The following AUTS2 variants were observed in gnomAD, a reference collection of about 807,000 sequenced individuals.
AUTS2 encodes the protein activator of transcription and developmental regulator AUTS2, also known as autism susceptibility gene 2 protein.
Under a neutral mutation model 112.4 loss-of-function variants are expected in AUTS2, and 17 were observed. The ratio of observed to expected loss-of-function variants is 0.15; its 90% CI spans 0.10 to 0.23. The LOEUF (loss-of-function observed/expected upper bound fraction) is 0.23, where lower values mean the gene tolerates loss of function less well. Ranked by LOEUF, AUTS2 falls within the 10% of genes least tolerant of loss-of-function variation. The probability of loss-of-function intolerance (pLI) is 1.00; values close to 1 mark genes in which losing one functional copy is unlikely to be tolerated. For synonymous variants in AUTS2, 751 were observed against 702.7 expected, an observed-to-expected ratio of 1.07 and a Z score of -1.09; for missense variants, 1,510 against 1,701.6, an observed-to-expected ratio of 0.89 and a Z score of 1.98.
In AUTS2 at chr7:70,631,221, T is replaced by A. The variant is rs1314709331; in HGVS notation, c.691-67348T>A. ...CAGGATGACGAAGGGGCCAAGAGGGTCCTCAGAGACAAACTGTGTTCAGTG... is the reference window on the plus strand; with the variant it reads ...CAGGATGACGAAGGGGCCAAGAGGGACCTCAGAGACAAACTGTGTTCAGTG... On this transcript the variant is annotated intron_variant, in intron 5 of 18. Coordinates refer to ENST00000342771, the MANE Select transcript of AUTS2 (RefSeq NM_015570.4). The surrounding 1 kb of genome is among the most constrained non-coding windows in gnomAD (Gnocchi z 4.5). Among the ~76,000 whole-genome samples, 1 of 151,938 alleles carries A rather than the reference T, an allele frequency of 6.6e-6. No homozygotes were observed. Among genetic ancestry groups the A allele is most frequent in the Non-Finnish European group, 1.5e-5 (1 of 67,984 alleles).
intron 5 of AUTS2, among the ~76,000 whole-genome samples, chr7:70,608,044 CCTAT>C (rs1476956420): frequency 6.6e-6 from 1 of 152,130 alleles, no homozygotes; most frequent in African/African-American, 2.4e-5. Context: ...TACCAGGATG[CCTAT>C]CTGACTGGAC....
intron 2 of AUTS2, among the ~76,000 whole-genome samples, chr7:70,011,604 A>G (rs1799810234): frequency 1.3e-5 from 2 of 152,206 alleles, no homozygotes; most frequent in Admixed American, 6.5e-5. Context: ...CCTGAGCCCC[A>G]TGGAAACCTT....
chr7:70,412,561 G>A (rs527449551), intron 4 of AUTS2, among the ~76,000 whole-genome samples: 1 of 152,226 alleles, frequency 6.6e-6, no homozygotes. Flanking sequence ...TATAAAGTGA[G>A]AGCCTCTGAC....
chr7:69,689,086 G>T (rs1298679705), intron 1 of AUTS2, among the ~76,000 whole-genome samples: 2 of 152,056 alleles, frequency 1.3e-5, no homozygotes, highest in Non-Finnish European at 2.9e-5. Flanking sequence ...TAATGAAAAG[G>T]GCATTGTGGA....
chr7:70,632,360 G>A (rs1805307096), intron 5 of AUTS2, among the ~76,000 whole-genome samples: 1 of 152,122 alleles, frequency 6.6e-6, no homozygotes, highest in Admixed American at 6.5e-5. Context: ...TTTCACAAAG[G>A]AGAAGTGAGG....
intron 4 of AUTS2, among the ~76,000 whole-genome samples, chr7:70,163,436 T>C (rs1317030206): frequency 1.3e-5 from 2 of 149,884 alleles, no homozygotes; most frequent in African/African-American, 4.9e-5. Flanking sequence ...ATTTGAAATT[T>C]AGATTTCGCT....
intron 4 of AUTS2, among the ~76,000 whole-genome samples, chr7:70,152,844 A>G (rs1357846111): frequency 6.6e-6 from 1 of 152,200 alleles, no homozygotes; most frequent in East Asian, 1.9e-4. Flanking sequence ...AATGGCTAAA[A>G]TGAAAATGAC....
At chr7:70,350,725 A>T (rs2129623005) in intron 4 of AUTS2, among the ~76,000 whole-genome samples, 1 of 152,164 alleles carries the variant, frequency 6.6e-6, no homozygotes, top group Admixed American at 6.5e-5. Context: ...TTCCATATTT[A>T]CCCTTTTTAT....
intron 2 of AUTS2, among the ~76,000 whole-genome samples, chr7:70,047,311 T>C (rs1801549593): frequency 1.3e-5 from 2 of 152,208 alleles, no homozygotes; most frequent in African/African-American, 2.4e-5. Context: ...TGAACACCTA[T>C]AGTATTCCAG....
intron 1 of AUTS2, among the ~76,000 whole-genome samples, chr7:69,815,750 T>C (rs1179141525): frequency 6.6e-6 from 1 of 152,204 alleles, no homozygotes; most frequent in Non-Finnish European, 1.5e-5. Context: ...CTTGACCTCG[T>C]GATCCACCTG....
chr7:70,296,398 C>G (rs539660225), intron 4 of AUTS2, among the ~76,000 whole-genome samples: 1 of 152,126 alleles, frequency 6.6e-6, no homozygotes, highest in Non-Finnish European at 1.5e-5. Flanking sequence ...GGAAAACACA[C>G]GAAATACAAT....
chr7:69,607,429 C>CA (rs1287552328), intron 1 of AUTS2, among the ~76,000 whole-genome samples: 2 of 152,112 alleles, frequency 1.3e-5, no homozygotes, highest in African/African-American at 4.8e-5. Context: ...GCATTTAGGA[C>CA]ATTGTGTATG....
At chr7:70,721,865 T>G (rs140626542) in intron 6 of AUTS2, among the ~76,000 whole-genome samples, 9 of 152,324 alleles carry the variant, frequency 5.9e-5, no homozygotes, top group African/African-American at 2.2e-4. Flanking sequence ...CATTTCAATG[T>G]TAAAAGTATC....
chr7:69,802,790 T>C (rs1305086550), intron 1 of AUTS2, among the ~76,000 whole-genome samples: 1 of 152,210 alleles, frequency 6.6e-6, no homozygotes, highest in African/African-American at 2.4e-5. Flanking sequence ...GACTTGGCCT[T>C]AGTATGCTGC....
At chr7:69,985,840 C>T (rs1346305118) in intron 2 of AUTS2, among the ~76,000 whole-genome samples, 7 of 151,962 alleles carry the variant, frequency 4.6e-5, no homozygotes, top group Admixed American at 2.0e-4. Context: ...ACTGCAGCCT[C>T]GAGCTCCTCG....
At chr7:69,611,937 A>AAAAAAAAC (rs1793061724) in intron 1 of AUTS2, among the ~76,000 whole-genome samples, 1 of 20,540 alleles carries the variant, frequency 4.9e-5, no homozygotes. Context: ...ACTCCGTCTC[A>AAAAAAAAC]AAAAAAAAAA....
intron 4 of AUTS2, among the ~76,000 whole-genome samples, chr7:70,342,340 G>A (rs572041347): frequency 1.3e-5 from 2 of 150,756 alleles, no homozygotes; most frequent in East Asian, 3.9e-4. Context: ...TTTTTTTGCG[G>A]GGGGGAAGTC....
At chr7:69,923,665 A>G (rs1047717230) in intron 2 of AUTS2, among the ~76,000 whole-genome samples, 7 of 152,122 alleles carry the variant, frequency 4.6e-5, no homozygotes, top group Non-Finnish European at 8.8e-5. Flanking sequence ...TAAGCCTTTC[A>G]TATATTTTGT....
intron 2 of AUTS2, among the ~76,000 whole-genome samples, chr7:70,108,856 C>T (rs1804919364): frequency 6.8e-6 from 1 of 146,896 alleles, no homozygotes; most frequent in African/African-American, 2.5e-5. Context: ...ATGAAAATCA[C>T]TTGAACCTGC....
Sources: allele counts gnomAD v4.1 joint callset (sites outside exome capture counted in the v4.1 genomes callset), GRCh38; gene constraint gnomAD v4.1.1; non-coding constraint Gnocchi (gnomAD v3.1); transcripts MANE v1.5; gene names NCBI Gene and HGNC (gene_info 2026-07-23, HGNC 2026-07-21).